HPGD: variants seen among roughly 807,000 people sequenced by gnomAD.
HPGD encodes the protein 15-hydroxyprostaglandin dehydrogenase [NAD(+)].
HPGD carries 29 observed loss-of-function variants against 30.0 expected under a neutral mutation model. The observed-to-expected ratio is 0.97, with a 90% CI of 0.72 to 1.32. The LOEUF is 1.32. Ranked by LOEUF, HPGD falls within the 40% of genes most tolerant of loss-of-function variation. The pLI is 0.00. For synonymous variants in HPGD, 99 were observed against 112.4 expected (o/e 0.88, Z 0.75); for missense variants, 340 against 322.1 (o/e 1.06, Z -0.43).
At chr4:174,513,149 C>T (rs1260916196) in intron 3 of HPGD, among the ~76,000 whole-genome samples, 2 of 152,176 alleles carry the variant, frequency 1.3e-5, no homozygotes, top group Non-Finnish European at 2.9e-5. Flanking sequence ...ACTATATACT[C>T]TATTAATTTT....
At chr4:174,505,487 G>T (rs1735140177) in intron 4 of HPGD, among the ~76,000 whole-genome samples, 1 of 152,188 alleles carries the variant, frequency 6.6e-6, no homozygotes. Flanking sequence ...TGACTCAAGG[G>T]CATAAAATTG....
intron 4 of HPGD, chr4:174,495,918 A>G (rs954913663): frequency 1.3e-5 from 5 of 382,098 alleles, no homozygotes; most frequent in Non-Finnish European, 2.4e-5. Context: ...AGGAAAGTAA[A>G]TGGTATCTAA....
upstream of HPGD, chr4:174,522,521 C>A (rs1044075961): frequency 6.5e-6 from 8 of 1,238,792 alleles, no homozygotes; most frequent in African/African-American, 6.4e-5. Context: ...TTTTATGCCC[C>A]CCTGCGCGCG....
At position 174,492,186 on chromosome 4, in the gene HPGD, A is replaced by G. The variant is rs1241420945; in HGVS notation, c.663-92T>C. Reference sequence around the variant, plus strand: ...ATTTTCTGAAGAATCTATTAAGTTGAACATGTTATAGGGAAATGTGTGTCA... The same window carrying G: ...ATTTTCTGAAGAATCTATTAAGTTGGACATGTTATAGGGAAATGTGTGTCA... On this transcript the variant is annotated intron_variant, in intron 6 of 6. Transcript: ENST00000296522. This position sits in a 1 kb window ranked among gnomAD's most constrained non-coding sequence, Gnocchi z 4.9. The G allele has an allele frequency of 8.4e-7, 1 of 1,194,154 alleles. No homozygotes were observed. The highest frequency in any genetic ancestry group is 1.2e-6 in the Non-Finnish European group (1 of 810,718). The allele number at this position is 1,194,154 out of a possible 1,614,324, so 74.0% of individuals were successfully genotyped here.
chr4:174,516,004 G>A (rs895609711), intron 3 of HPGD, among the ~76,000 whole-genome samples: 5 of 152,098 alleles, frequency 3.3e-5, no homozygotes, highest in African/African-American at 1.2e-4. Flanking sequence ...TTGGCTTGGC[G>A]AGGCTGTAGA....
intron 3 of HPGD, among the ~76,000 whole-genome samples, chr4:174,509,174 C>T (rs1213707228): frequency 1.3e-5 from 2 of 152,086 alleles, no homozygotes; most frequent in Admixed American, 6.6e-5. Flanking sequence ...GCATATGGTT[C>T]TCATGTCTCA....
chr4:174,520,100 A>G (rs1228045210), intron 2 of HPGD, among the ~76,000 whole-genome samples: 1 of 151,448 alleles, frequency 6.6e-6, no homozygotes, highest in African/African-American at 2.4e-5. Context: ...AACAACCTTC[A>G]CCTTTTGGAA....
rs1247964114 is a variant in HPGD at position 174,496,271 on chromosome 4, A to G, written c.422-647T>C. 1.3e-5 allele frequency among the ~76,000 whole-genome samples: 2 copies of G among 152,334 alleles called. No individual in the cohort carries two copies. Among genetic ancestry groups the G allele is most frequent in the African/African-American group, 4.8e-5 (2 of 41,586 alleles). On this transcript the variant is annotated intron_variant, in intron 4 of 6. Transcript: ENST00000296522. The surrounding 1 kb of genome is among the most constrained non-coding windows in gnomAD (Gnocchi z 4.6). ...TCCTATTTTATTTCCTTTCATAATT[A>G]TGTAGTCAACTATGAAATTCAATCA...
intron 3 of HPGD, among the ~76,000 whole-genome samples, chr4:174,510,134 C>T (rs1735407566): frequency 6.6e-6 from 1 of 152,184 alleles, no homozygotes; most frequent in South Asian, 2.1e-4. Context: ...ATGTACTTAC[C>T]TTCTTTTTCT....
chr4:174,497,568 C>CTTTTCTTTTTTTTTTTT (rs1553998366), intron 4 of HPGD, among the ~76,000 whole-genome samples: 11 of 51,106 alleles, frequency 2.2e-4, no homozygotes, highest in African/African-American at 5.3e-4. Flanking sequence ...CTTTTTCTTT[C>CTTTTCTTTTTTTTTTTT]TTTTTTTTTT....
In HPGD at chr4:174,496,553, T is replaced by C. The variant is rs1249782549; in HGVS notation, c.422-929A>G. ...AGCAATCAAATTGAACCAGAGTCAT[T>C]CTTGTATTTGTTTTTGACTAATTTG... On this transcript the variant is annotated intron_variant, in intron 4 of 6. Transcript: ENST00000296522. This position sits in a 1 kb window ranked among gnomAD's most constrained non-coding sequence, Gnocchi z 4.6. Among the ~76,000 whole-genome samples the C allele has an allele frequency of 6.6e-6, 1 of 152,202 alleles. No homozygotes were observed. The highest frequency in any genetic ancestry group is 1.5e-5 in the Non-Finnish European group (1 of 68,024).
chr4:174,522,569 G>C (rs917072096), upstream of HPGD: 3 of 657,150 alleles, frequency 4.6e-6, no homozygotes, highest in South Asian at 2.3e-5. Flanking sequence ...CCTGCCAGTG[G>C]GCGGGGAGGA....
In HPGD at chr4:174,513,255, T is replaced by A. The variant is rs182681459; in HGVS notation, c.325-4463A>T. ...AAGCTGTTGTGCAATTTGTGCTTTTTCACTGGGATAGCCTGGTTCAAAGAA... is the reference window on the plus strand; with the variant it reads ...AAGCTGTTGTGCAATTTGTGCTTTTACACTGGGATAGCCTGGTTCAAAGAA... On this transcript the variant is annotated intron_variant, in intron 3 of 6. Coordinates refer to ENST00000296522, the MANE Select transcript of HPGD (RefSeq NM_000860.6). Among the ~76,000 whole-genome samples the A allele has an allele frequency of 8.5e-5, 13 of 152,330 alleles. No homozygotes were observed. In the East Asian group the frequency reaches 2.1e-3, roughly 25 times the overall value.
chr4:174,522,418 C>T lies in HPGD; in HGVS notation c.34G>A (p.Gly12Ser), dbSNP rs1736201319. Residue 12 changes from glycine (G) to serine (S), a missense_variant, in exon 1 of 7, where the codon GGC becomes AGC. Physicochemically the swap from Gly to Ser is moderately conservative, Grantham distance 56 (BLOSUM62 0). Coordinates refer to ENST00000296522, the MANE Select transcript of HPGD (RefSeq NM_000860.6). The part of the protein sequence containing the change: ...HVNGKVALVT[G>S]AAQGIGRAFA... Reference sequence around the variant, plus strand: ...GCTCTGCCTATGCCCTGAGCCGCGCCGGTCACCAGCGCCACTTTGCCGTTC... The same window carrying T: ...GCTCTGCCTATGCCCTGAGCCGCGCTGGTCACCAGCGCCACTTTGCCGTTC... The T allele has an allele frequency of 6.3e-7, 1 of 1,583,284 alleles. No individual in the cohort carries two copies. Among genetic ancestry groups the T allele is most frequent in the African/African-American group, 1.3e-5 (1 of 74,522 alleles).
rs1734355319 is a variant in HPGD at position 174,491,823 on chromosome 4, AC to A, written c.*132del. 1 of 814,518 alleles carries A rather than the reference AC, an allele frequency of 1.2e-6. No individual in the cohort carries two copies. The highest frequency in any genetic ancestry group is 2.0e-6 in the Non-Finnish European group (1 of 490,672). 50.5% of individuals were successfully genotyped at this position (814,518 alleles called of 1,614,324 possible). ...ATATACTTAACTAAAAATTTAGAAA[AC>A]GTTTATCACCAAGTGCATGAAGGAA... is the stretch of plus-strand genomic sequence containing the variant. On this transcript the variant is annotated 3_prime_UTR_variant, in exon 7 of 7. Coordinates refer to ENST00000296522, the MANE Select transcript of HPGD (RefSeq NM_000860.6).
At chr4:174,519,255 C>T (rs1735952953) in intron 2 of HPGD, among the ~76,000 whole-genome samples, 1 of 151,676 alleles carries the variant, frequency 6.6e-6, no homozygotes, top group Admixed American at 6.6e-5. Flanking sequence ...GTTCTGTCCC[C>T]CAGGCTGGAG....
chr4:174,500,292 T>C (rs955254820), intron 4 of HPGD, among the ~76,000 whole-genome samples: 14 of 152,210 alleles, frequency 9.2e-5, no homozygotes, highest in African/African-American at 3.4e-4. Context: ...AAACAAGAAC[T>C]CCAATTCATT....
intron 4 of HPGD, among the ~76,000 whole-genome samples, chr4:174,497,219 C>T (rs374541441): frequency 3.1e-4 from 47 of 152,198 alleles, no homozygotes; most frequent in Admixed American, 1.0e-3. Context: ...TTCACACAGC[C>T]GCAAGAACTA....
At chr4:174,512,004 C>A (rs1365982391) in intron 3 of HPGD, among the ~76,000 whole-genome samples, 1 of 152,068 alleles carries the variant, frequency 6.6e-6, no homozygotes, top group Non-Finnish European at 1.5e-5. Flanking sequence ...TTGTTGGCTT[C>A]AGACTAAGGA....
Sources: allele counts gnomAD v4.1 joint callset (sites outside exome capture counted in the v4.1 genomes callset), GRCh38; gene constraint gnomAD v4.1.1; non-coding constraint Gnocchi (gnomAD v3.1); transcripts MANE v1.5; gene names NCBI Gene and HGNC (gene_info 2026-07-23, HGNC 2026-07-21).